CHRM3: variants seen among roughly 807,000 people sequenced by gnomAD.
CHRM3 encodes muscarinic acetylcholine receptor M3.
Under a neutral mutation model 41.8 loss-of-function variants are expected in CHRM3, and 11 were observed. That is an observed-to-expected ratio of 0.26 (90% CI 0.17 to 0.44). The LOEUF (loss-of-function observed/expected upper bound fraction) is 0.44, where lower values mean the gene tolerates loss of function less well. CHRM3 is among the 20% of genes least tolerant of loss of function. The pLI is 1.00. For missense variants in CHRM3, 571 were observed against 745.4 expected, an observed-to-expected ratio of 0.77 and a Z score of 2.72; for synonymous variants, 297 against 301.4, an observed-to-expected ratio of 0.99 and a Z score of 0.15.
chr1:239,739,215 G>C (rs1458954539), intron 5 of CHRM3, among the ~76,000 whole-genome samples: 2 of 152,126 alleles, frequency 1.3e-5, no homozygotes, highest in African/African-American at 4.8e-5. Context: ...AAAATGCATT[G>C]CCCAGTTCTG....
chr1:239,589,834 A>G (rs961074062), intron 3 of CHRM3, among the ~76,000 whole-genome samples: 12 of 151,626 alleles, frequency 7.9e-5, no homozygotes, highest in African/African-American at 1.4e-4. Context: ...ATATATACAC[A>G]TATGTCTGAC....
intron 2 of CHRM3, among the ~76,000 whole-genome samples, chr1:239,496,626 T>C (rs1031053999): frequency 1.9e-4 from 29 of 151,982 alleles, no homozygotes; most frequent in African/African-American, 6.8e-4. Flanking sequence ...GAACTAATCT[T>C]AGGCAATTTC....
intron 5 of CHRM3, among the ~76,000 whole-genome samples, chr1:239,795,391 C>A (rs978519681): frequency 6.6e-6 from 1 of 152,154 alleles, no homozygotes; most frequent in Non-Finnish European, 1.5e-5. Flanking sequence ...TTTTGCTCAG[C>A]AATTGCATTG....
intron 5 of CHRM3, among the ~76,000 whole-genome samples, chr1:239,744,546 G>T (rs1400269206): frequency 6.6e-6 from 1 of 152,164 alleles, no homozygotes; most frequent in Non-Finnish European, 1.5e-5. Context: ...CCTGAGACAG[G>T]CATGTGAACG....
intron 3 of CHRM3, among the ~76,000 whole-genome samples, chr1:239,580,704 T>TATATATATATATATATATATATATATAC (rs570878631): frequency 1.5e-5 from 2 of 131,082 alleles, no homozygotes; most frequent in African/African-American, 5.7e-5. Flanking sequence ...TATATATATA[T>TATATATATATATATATATATATATATAC]ACACACACAC....
chr1:239,684,783 A>AAAGAAAGAAAGAAAGAAAGAAAG (rs1463611879), intron 5 of CHRM3, among the ~76,000 whole-genome samples: 1 of 151,580 alleles, frequency 6.6e-6, no homozygotes, highest in Non-Finnish European at 1.5e-5. Context: ...AAAGAGAAAG[A>AAAGAAAGAAAGAAAGAAAGAAAG]AAAGAGAAGA....
At chr1:239,773,214 C>T (rs999653245) in intron 5 of CHRM3, among the ~76,000 whole-genome samples, 13 of 152,190 alleles carry the variant, frequency 8.5e-5, no homozygotes, top group African/African-American at 2.9e-4. Context: ...GCTGTACCAC[C>T]GAAAGGTTGT....
intron 4 of CHRM3, among the ~76,000 whole-genome samples, chr1:239,668,089 CTTTTTTTTTTTTT>C (rs1221135009): frequency 1.5e-4 from 11 of 75,594 alleles, no homozygotes; most frequent in South Asian, 4.7e-4. Context: ...TTTCCCCTTT[CTTTTTTTTTTTTT>C]TTTTTTTTTT....
intron 5 of CHRM3, among the ~76,000 whole-genome samples, chr1:239,715,914 G>A (rs1021675330): frequency 3.3e-5 from 5 of 152,056 alleles, no homozygotes; most frequent in African/African-American, 1.2e-4. Context: ...AGATGTGGAA[G>A]GAAATTTGGA....
chr1:239,701,395 C>G (rs1352146047), intron 5 of CHRM3, among the ~76,000 whole-genome samples: 1 of 152,170 alleles, frequency 6.6e-6, no homozygotes, highest in Non-Finnish European at 1.5e-5. Flanking sequence ...TTCCGTTTCC[C>G]ACTGGGTCCT....
rs77956066 is a variant in CHRM3, at chr1:239,567,482, C to T, written c.-313+21733C>T. ...GCATTTTTTTCTCAATACAACAATA[C>T]GGTAGATATGCAGGGTAAAAAAACA... On this transcript the variant is annotated intron_variant, in intron 3 of 6. Coordinates refer to ENST00000676153, the MANE Select transcript of CHRM3 (RefSeq NM_001375978.1). Among the ~76,000 whole-genome samples, 57 of 152,188 alleles carry T rather than the reference C, an allele frequency of 3.7e-4. No homozygotes were observed. The East Asian group carries it at 0.01, about 28-fold the overall frequency.
At chr1:239,459,062 C>G (rs527569115) in intron 1 of CHRM3, among the ~76,000 whole-genome samples, 1 of 152,234 alleles carries the variant, frequency 6.6e-6, no homozygotes, top group African/African-American at 2.4e-5. Context: ...CTGCTCTTCT[C>G]CCACAAGTGG....
intron 6 of CHRM3, among the ~76,000 whole-genome samples, chr1:239,864,782 T>C (rs1675947988): frequency 6.6e-6 from 1 of 152,154 alleles, no homozygotes; most frequent in Admixed American, 6.6e-5. Context: ...TCTCTACCTA[T>C]AGAATCGTGT....
intron 1 of CHRM3, among the ~76,000 whole-genome samples, chr1:239,433,258 C>A (rs1274953922): frequency 6.6e-5 from 10 of 152,280 alleles, no homozygotes. Context: ...TATTGTTTAT[C>A]TGTGGTCTCA....
At chr1:239,451,113 A>G (rs1185084739) in intron 1 of CHRM3, among the ~76,000 whole-genome samples, 1 of 152,030 alleles carries the variant, frequency 6.6e-6, no homozygotes, top group Non-Finnish European at 1.5e-5. Context: ...AGTCCTAGCA[A>G]CTCAGGAAGC....
intron 5 of CHRM3, among the ~76,000 whole-genome samples, chr1:239,715,587 T>C (rs1242644851): frequency 6.6e-6 from 1 of 151,966 alleles, no homozygotes; most frequent in Non-Finnish European, 1.5e-5. Context: ...TAGAAACCAA[T>C]GGGATGGGAG....
chr1:239,791,217 G>T (rs1440450972), intron 5 of CHRM3, among the ~76,000 whole-genome samples: 1 of 152,096 alleles, frequency 6.6e-6, no homozygotes, highest in Non-Finnish European at 1.5e-5. Flanking sequence ...CAATTCTCCT[G>T]CCTCAGGCAC....
At chr1:239,887,377 T>C (rs766515233) in intron 6 of CHRM3, among the ~76,000 whole-genome samples, 2 of 152,112 alleles carry the variant, frequency 1.3e-5, no homozygotes, top group Non-Finnish European at 2.9e-5. Context: ...AATTTTTGTA[T>C]TTCTAGTAGA....
At chr1:239,897,959 G>T (rs1442022463) in intron 6 of CHRM3, 1 of 152,086 alleles carries the variant, frequency 6.6e-6, no homozygotes, top group Admixed American at 6.6e-5. Context: ...AAAAACCCAT[G>T]AAAAGTGGCA....
Sources: allele counts gnomAD v4.1 joint callset (sites outside exome capture counted in the v4.1 genomes callset), GRCh38; gene constraint gnomAD v4.1.1; transcripts MANE v1.5; gene names NCBI Gene and HGNC (gene_info 2026-07-23, HGNC 2026-07-21).